The following CPXM2 variants were observed in gnomAD, a reference collection of about 807,000 sequenced individuals.
CPXM2 encodes the protein carboxypeptidase X, M14 family member 2, also known as inactive carboxypeptidase-like protein X2.
In CPXM2, 66 loss-of-function variants were observed where a neutral mutation model predicts 86.1. That is an observed-to-expected ratio of 0.77 (90% CI 0.63 to 0.94). The LOEUF is 0.94. Ranked by LOEUF, CPXM2 falls within the 40% of genes least tolerant of loss-of-function variation. The probability of loss-of-function intolerance (pLI) is 0.00; values close to 1 mark genes in which losing one functional copy is unlikely to be tolerated. For missense variants in CPXM2, 948 were observed against 1,026.3 expected (o/e 0.92, Z 1.04); for synonymous variants, 388 against 400.2 (o/e 0.97, Z 0.36).
intron 10 of CPXM2, among the ~76,000 whole-genome samples, chr10:123,765,969 G>A (rs957672605): frequency 1.3e-5 from 2 of 152,198 alleles, no homozygotes; most frequent in Admixed American, 1.3e-4. Context: ...CTAAAATATA[G>A]CATTTCCCAG....
chr10:123,761,840 C>A lies in CPXM2; in HGVS notation c.1777+32G>T, dbSNP rs374894031. ...GACCCCTGCAGCGTCCTCCTGCGCC[C>A]GCAGCCCACTCTCCCCCAGAGGGAG... is the stretch of plus-strand genomic sequence containing the variant. On this transcript the variant is annotated intron_variant, in intron 11 of 13. Coordinates refer to ENST00000241305, the MANE Select transcript of CPXM2 (RefSeq NM_198148.3). 7 of 1,602,084 alleles carry A rather than the reference C, an allele frequency of 4.4e-6. No individual in the cohort carries two copies. In the Admixed American group the frequency reaches 6.8e-5, roughly 15 times the overall value.
upstream of CPXM2, among the ~76,000 whole-genome samples, chr10:123,894,465 C>G (rs1450256979): frequency 6.6e-6 from 1 of 152,186 alleles, no homozygotes; most frequent in African/African-American, 2.4e-5. Flanking sequence ...TGCCAGTTCT[C>G]CCAACACAGA....
At chr10:123,895,112 C>CT (rs1198158013), upstream of CPXM2, among the ~76,000 whole-genome samples, 6 of 111,676 alleles carry the variant, frequency 5.4e-5, no homozygotes, top group South Asian at 3.1e-4. Flanking sequence ...TTTTTTTTTT[C>CT]TTTTTTTTCT....
At chr10:123,938,898 G>A (rs1945747819) in intron 2 of CPXM2, among the ~76,000 whole-genome samples, 1 of 152,134 alleles carries the variant, frequency 6.6e-6, no homozygotes, top group African/African-American at 2.4e-5. Flanking sequence ...AGGTGACCCA[G>A]GGACACAGGT....
intron 2 of CPXM2, among the ~76,000 whole-genome samples, chr10:123,903,962 C>T (rs1224071354): frequency 6.6e-6 from 1 of 152,166 alleles, no homozygotes; most frequent in Non-Finnish European, 1.5e-5. Context: ...CCCCACACGG[C>T]CCCAGCTGTG....
At chr10:123,780,923 A>G (rs1040860208) in intron 6 of CPXM2, among the ~76,000 whole-genome samples, 4 of 152,176 alleles carry the variant, frequency 2.6e-5, no homozygotes, top group African/African-American at 9.7e-5. Flanking sequence ...ACAGAGGAGG[A>G]TTGAGTAACA....
intron 3 of CPXM2, among the ~76,000 whole-genome samples, chr10:123,846,417 T>C (rs958662019): frequency 1.3e-5 from 2 of 152,184 alleles, no homozygotes; most frequent in Non-Finnish European, 2.9e-5. Context: ...CTAATACCAC[T>C]GCTGATCTTA....
intron 3 of CPXM2, among the ~76,000 whole-genome samples, chr10:123,846,549 A>C (rs1212123277): frequency 6.6e-6 from 1 of 152,220 alleles, no homozygotes; most frequent in Non-Finnish European, 1.5e-5. Context: ...AACCGGCCAT[A>C]GATTGGTACT....
intron 9 of CPXM2, 114 bp downstream of exon 9, chr10:123,768,412 T>C (rs1846542147): frequency 2.1e-6 from 1 of 469,074 alleles, no homozygotes; most frequent in Admixed American, 5.0e-5. Context: ...AATAAATAAA[T>C]AAATAAATAA....
At chr10:123,753,147 G>A (rs748715216) in intron 13 of CPXM2, among the ~76,000 whole-genome samples, 1 of 152,102 alleles carries the variant, frequency 6.6e-6, no homozygotes, top group Non-Finnish European at 1.5e-5. Context: ...GGGGAAGAAG[G>A]TTCAGGTGGA....
intron 1 of CPXM2, 93 bp from the exon 2 acceptor site, chr10:123,880,402 C>T: frequency 1.4e-6 from 1 of 696,714 alleles, no homozygotes; most frequent in Non-Finnish European, 2.6e-6. Flanking sequence ...GCACAGCAGC[C>T]ATCTCCCCTT....
At chr10:123,806,764 G>A (rs1258858215) in intron 4 of CPXM2, among the ~76,000 whole-genome samples, 1 of 152,010 alleles carries the variant, frequency 6.6e-6, no homozygotes, top group Non-Finnish European at 1.5e-5. Context: ...GAGTACAGGA[G>A]AAACTGCCAC....
intron 2 of CPXM2, chr10:123,914,240 A>G (rs1945515800): frequency 2.7e-6 from 1 of 367,594 alleles, no homozygotes; most frequent in Non-Finnish European, 5.4e-6. Context: ...CACATCGAGC[A>G]CATTAACCAT....
chr10:123,778,993 C>T (rs776106491), intron 7 of CPXM2, among the ~76,000 whole-genome samples: 1 of 152,196 alleles, frequency 6.6e-6, no homozygotes, highest in South Asian at 2.1e-4. Flanking sequence ...CAAGACAAAC[C>T]CGGCTTGTTC....
At chr10:123,942,844 A>G (rs2134297686), upstream of CPXM2, among the ~76,000 whole-genome samples, 1 of 152,330 alleles carries the variant, frequency 6.6e-6, no homozygotes, top group Middle Eastern at 3.4e-3. Context: ...TGGGGTCTGG[A>G]TGGGAACCCC....
intron 4 of CPXM2, among the ~76,000 whole-genome samples, chr10:123,818,990 G>T (rs1385778477): frequency 6.6e-6 from 1 of 152,146 alleles, no homozygotes. Context: ...CGTTCTGCTG[G>T]CCTAGAGGTC....
intron 1 of CPXM2, chr10:123,887,291 G>A (rs1945193248): frequency 6.6e-6 from 1 of 152,064 alleles, no homozygotes; most frequent in African/African-American, 2.4e-5. Context: ...ATTCTCGGAT[G>A]GATGAGTGTT....
intron 10 of CPXM2, 74 bp from the exon 11 acceptor site, chr10:123,762,243 T>C (rs184918219): frequency 2.8e-5 from 44 of 1,594,296 alleles, no homozygotes; most frequent in African/African-American, 4.0e-5. Flanking sequence ...AACAGGGACA[T>C]AGTCGAAAAA....
At chr10:123,883,128 C>G (rs1945120650) in intron 1 of CPXM2, among the ~76,000 whole-genome samples, 1 of 152,222 alleles carries the variant, frequency 6.6e-6, no homozygotes, top group Non-Finnish European at 1.5e-5. Context: ...CTCTGGGACT[C>G]AGCTCTGGGA....
Sources: allele counts gnomAD v4.1 joint callset (sites outside exome capture counted in the v4.1 genomes callset), GRCh38; gene constraint gnomAD v4.1.1; transcripts MANE v1.5; gene names NCBI Gene and HGNC (gene_info 2026-07-23, HGNC 2026-07-21).